SGPP1: variants seen among roughly 807,000 people sequenced by gnomAD.
SGPP1 encodes the protein sphingosine-1-phosphate phosphatase 1, also known as hSPP1.
Under a neutral mutation model 33.0 loss-of-function variants are expected in SGPP1, and 21 were observed. The observed-to-expected ratio is 0.64, with a 90% CI of 0.45 to 0.92. The LOEUF is 0.92. Ranked by LOEUF, SGPP1 falls within the 40% of genes least tolerant of loss-of-function variation. The pLI is 0.00. For missense variants in SGPP1, 543 were observed against 589.4 expected (o/e 0.92, Z 0.81); for synonymous variants, 239 against 241.2 (o/e 0.99, Z 0.08).
At position 63,686,353 on chromosome 14, in the gene SGPP1, T is replaced by C; in HGVS notation, c.1078A>G (p.Thr360Ala). The change falls in exon 3 of 3, where the codon ACT becomes GCT. Residue 360 changes from threonine to alanine, a missense_variant. Physicochemically the swap from Thr to Ala is moderately conservative, Grantham distance 58. Coordinates refer to ENST00000247225, the MANE Select transcript of SGPP1 (RefSeq NM_030791.4). Reference sequence around the variant, plus strand: ...CGCAATATGGCTTTTCCAAACAGAGTCACAGTAATGGGGGGCCCAGCTAAA... The same window carrying C: ...CGCAATATGGCTTTTCCAAACAGAGCCACAGTAATGGGGGGCCCAGCTAAA... The part of the protein sequence containing the change: ...LPLAGPPITV[T>A]LFGKAILRIL... The C allele has an allele frequency of 6.2e-7, 1 of 1,613,852 alleles. No individual in the cohort carries two copies. The highest frequency in any genetic ancestry group is 8.5e-7 in the Non-Finnish European group (1 of 1,179,894).
intron 1 of SGPP1, among the ~76,000 whole-genome samples, chr14:63,715,505 G>A (rs1463334050): frequency 6.6e-6 from 1 of 151,904 alleles, no homozygotes; most frequent in African/African-American, 2.4e-5. Context: ...TTGAGCCGGA[G>A]TTTCACTCTT....
intron 1 of SGPP1, among the ~76,000 whole-genome samples, chr14:63,700,154 C>T (rs188214905): frequency 6.6e-6 from 1 of 152,204 alleles, no homozygotes; most frequent in East Asian, 1.9e-4. Context: ...ACCTTGGCCT[C>T]GCAAAGTGCT....
chr14:63,724,027 G>A (rs370040990), intron 1 of SGPP1, among the ~76,000 whole-genome samples: 8 of 151,844 alleles, frequency 5.3e-5, no homozygotes, highest in Middle Eastern at 3.2e-3. Flanking sequence ...ACAGGCATGC[G>A]CCACCATGCC....
chr14:63,694,900 G>GA (rs1885157218), intron 2 of SGPP1, among the ~76,000 whole-genome samples: 1 of 152,010 alleles, frequency 6.6e-6, no homozygotes, highest in Admixed American at 6.6e-5. Context: ...TATGGTAGAT[G>GA]ATATTAAATA....
chr14:63,685,974 T>A lies in SGPP1; in HGVS notation c.*131A>T. The stretch of plus-strand genomic sequence containing the variant: ...CAATGATAAAATGCACTGACTCTTA[T>A]GAATTTACTTAAATAATTATTTAAG... On this transcript the variant is annotated 3_prime_UTR_variant, in exon 3 of 3. Transcript: ENST00000247225. The A allele has an allele frequency of 1.7e-6, 1 of 576,882 alleles. No individual in the cohort carries two copies. 35.7% of individuals were successfully genotyped at this position (576,882 alleles called of 1,614,324 possible). A position where few individuals can be genotyped will look rare whatever the true frequency, so the allele number is the denominator to read the frequency against.
chr14:63,713,906 G>C (rs529570674), intron 1 of SGPP1, among the ~76,000 whole-genome samples: 1 of 152,330 alleles, frequency 6.6e-6, no homozygotes, highest in East Asian at 1.9e-4. Flanking sequence ...GTATGAGTCA[G>C]AGTGGACTAG....
chr14:63,720,838 T>A (rs1018871963), intron 1 of SGPP1, among the ~76,000 whole-genome samples: 1 of 152,178 alleles, frequency 6.6e-6, no homozygotes, highest in African/African-American at 2.4e-5. Flanking sequence ...AAACAAGAGA[T>A]GTCTAACACT....
At chr14:63,723,765 A>G (rs1595074562) in intron 1 of SGPP1, among the ~76,000 whole-genome samples, 1 of 152,162 alleles carries the variant, frequency 6.6e-6, no homozygotes, top group Admixed American at 6.5e-5. Flanking sequence ...AAGCTGAGAC[A>G]GCAATCTTGA....
intron 2 of SGPP1, among the ~76,000 whole-genome samples, chr14:63,688,754 C>T (rs192397059): frequency 0.013 from 1,858 of 147,126 alleles, 33 homozygotes; most frequent in African/African-American, 0.044. Context: ...TGGAGTCTCG[C>T]TCTGTTGCCC....
intron 1 of SGPP1, among the ~76,000 whole-genome samples, chr14:63,708,062 T>C (rs1390830892): frequency 6.6e-6 from 1 of 152,144 alleles, no homozygotes; most frequent in Admixed American, 6.5e-5. Context: ...TTAGTTTCTA[T>C]TTTATAAAAA....
At chr14:63,714,744 ATT>A (rs368742605) in intron 1 of SGPP1, among the ~76,000 whole-genome samples, 19,774 of 142,890 alleles carry the variant, frequency 0.14, 1,900 homozygotes, top group African/African-American at 0.27. Context: ...ATTTTTATTT[ATT>A]TTTTTTTTTT....
rs1263446277 is a variant in SGPP1, at chr14:63,727,475, G to C, written c.470C>G (p.Pro157Arg). ...FFPFWIWNLD[P>R]LVGRRLVVIW... ...GACCACGAGCCTCCGGCCCACCAGA[G>C]GGTCCAGGTTCCAGATCCAGAAGGG... Residue 157 changes from proline (P) to arginine (R), a missense_variant, in exon 1 of 3, where the codon CCT (proline) becomes CGT (arginine). By Grantham distance (103) the Pro-to-Arg change is moderately radical. Coordinates refer to ENST00000247225, the MANE Select transcript of SGPP1 (RefSeq NM_030791.4). 3 of 1,614,194 alleles carry C rather than the reference G, an allele frequency of 1.9e-6. No individual in the cohort carries two copies. The highest frequency in any genetic ancestry group is 2.5e-6 in the Non-Finnish European group (3 of 1,180,036).
intron 1 of SGPP1, among the ~76,000 whole-genome samples, chr14:63,713,484 C>T (rs1009397832): frequency 2.0e-5 from 3 of 152,158 alleles, no homozygotes; most frequent in African/African-American, 7.2e-5. Context: ...GTGGCCTAAA[C>T]GGTCTATGTC....
At chr14:63,686,971 C>T (rs928049873) in intron 2 of SGPP1, among the ~76,000 whole-genome samples, 9 of 152,114 alleles carry the variant, frequency 5.9e-5, no homozygotes, top group African/African-American at 2.2e-4. Flanking sequence ...GAAAAGTACA[C>T]TTATTATTCA....
At chr14:63,722,932 A>G (rs993475444) in intron 1 of SGPP1, among the ~76,000 whole-genome samples, 1 of 151,268 alleles carries the variant, frequency 6.6e-6, no homozygotes, top group African/African-American at 2.4e-5. Flanking sequence ...GAATCGTGCC[A>G]CTGTACTCCA....
intron 1 of SGPP1, among the ~76,000 whole-genome samples, chr14:63,717,384 C>G (rs1178379521): frequency 6.6e-6 from 1 of 151,194 alleles, no homozygotes; most frequent in Non-Finnish European, 1.5e-5. Flanking sequence ...GCATGATATC[C>G]GTTATCGGCT....
At chr14:63,703,211 A>T (rs1595065504) in intron 1 of SGPP1, among the ~76,000 whole-genome samples, 1 of 122,062 alleles carries the variant, frequency 8.2e-6, no homozygotes, top group African/African-American at 5.2e-5. Flanking sequence ...ACCAGCAATA[A>T]AAAAAAAACC....
intron 1 of SGPP1, among the ~76,000 whole-genome samples, chr14:63,710,873 GC>G (rs1361535458): frequency 2.6e-5 from 4 of 152,136 alleles, no homozygotes; most frequent in South Asian, 2.1e-4. Context: ...ATGGGATAGG[GC>G]TAGCCGCATA....
chr14:63,703,024 T>G (rs1885332508), intron 1 of SGPP1, among the ~76,000 whole-genome samples: 1 of 152,138 alleles, frequency 6.6e-6, no homozygotes, highest in African/African-American at 2.4e-5. Flanking sequence ...ATGGGGGTCG[T>G]GGAACATATC....
Sources: allele counts gnomAD v4.1 joint callset (sites outside exome capture counted in the v4.1 genomes callset), GRCh38; gene constraint gnomAD v4.1.1; transcripts MANE v1.5; gene names NCBI Gene and HGNC (gene_info 2026-07-23, HGNC 2026-07-21).